PPDPFL: variants seen among roughly 807,000 people sequenced by gnomAD.
PPDPFL encodes pancreatic progenitor cell differentiation and proliferation factor like, also known as pancreatic progenitor cell differentiation and proliferation factor-like protein.
PPDPFL carries 12 observed loss-of-function variants against 12.6 expected under a neutral mutation model. The ratio of observed to expected loss-of-function variants is 0.95; its 90% CI spans 0.61 to 1.54. The LOEUF (loss-of-function observed/expected upper bound fraction) is 1.54, where lower values mean the gene tolerates loss of function less well. PPDPFL is among the 40% of genes most tolerant of loss of function. The pLI is 0.00. For synonymous variants in PPDPFL, 24 were observed against 32.7 expected (o/e 0.73, Z 0.91); for missense variants, 114 against 96.0 (o/e 1.19, Z -0.78).
chr8:49,068,647 TTG>T (rs1375720432), upstream of PPDPFL, among the ~76,000 whole-genome samples: 2 of 152,042 alleles, frequency 1.3e-5, no homozygotes, highest in Non-Finnish European at 2.9e-5. Context: ...ATGTATGTAT[TTG>T]TGTGTGTGTA....
upstream of PPDPFL, among the ~76,000 whole-genome samples, chr8:49,068,453 CCAGCCAACAGAGT>C (rs1808332772): frequency 6.6e-6 from 1 of 152,106 alleles, no homozygotes; most frequent in Non-Finnish European, 1.5e-5. Flanking sequence ...GCTAAGAAAG[CCAGCCAACAGAGT>C]CACAACTGTG....
chr8:49,071,971 C>T (rs1808399129), upstream of PPDPFL, among the ~76,000 whole-genome samples: 1 of 152,184 alleles, frequency 6.6e-6, no homozygotes, highest in Non-Finnish European at 1.5e-5. Context: ...TTCAGTCTCC[C>T]CAGCCAGATA....
At chr8:49,074,420 GTAC>G in intron 4 of PPDPFL, 87 bp downstream of exon 4, 2 of 1,564,790 alleles carry the variant, frequency 1.3e-6, no homozygotes, top group East Asian at 4.6e-5. Flanking sequence ...CTCACTTAGG[GTAC>G]ATAGTTGTCT....
intron 1 of PPDPFL, among the ~76,000 whole-genome samples, chr8:49,055,456 A>G (rs943241109): frequency 1.3e-5 from 2 of 152,150 alleles, no homozygotes; most frequent in Non-Finnish European, 2.9e-5. Flanking sequence ...TTCTAATGTT[A>G]GGTTGATATG....
chr8:49,070,201 A>G (rs1181256041), upstream of PPDPFL, among the ~76,000 whole-genome samples: 1 of 152,198 alleles, frequency 6.6e-6, no homozygotes, highest in Non-Finnish European at 1.5e-5. Context: ...ATGAGAACAC[A>G]TAGACACATC....
At chr8:49,065,190 C>A (rs1040275229) in intron 1 of PPDPFL, among the ~76,000 whole-genome samples, 1 of 152,094 alleles carries the variant, frequency 6.6e-6, no homozygotes, top group African/African-American at 2.4e-5. Flanking sequence ...GAATCCTAAA[C>A]GGAGAACATA....
chr8:49,055,299 T>TG (rs1192438023), intron 1 of PPDPFL, among the ~76,000 whole-genome samples: 11 of 152,128 alleles, frequency 7.2e-5, no homozygotes, highest in African/African-American at 2.7e-4. Context: ...ACATCAAAGG[T>TG]TTCTGCACTG....
At chr8:49,070,642 CAGAG>C (rs1563300637), upstream of PPDPFL, among the ~76,000 whole-genome samples, 1 of 151,930 alleles carries the variant, frequency 6.6e-6, no homozygotes, top group Non-Finnish European at 1.5e-5. Flanking sequence ...ATTATTAAAG[CAGAG>C]AGGGAGAAGA....
intron 1 of PPDPFL, 73 bp from the exon 2 acceptor site, chr8:49,072,714 A>T: frequency 1.5e-6 from 1 of 652,742 alleles, no homozygotes; most frequent in Non-Finnish European, 2.6e-6. Flanking sequence ...ACTTTGTAAC[A>T]GTCACGTGGA....
chr8:49,067,496 T>C (rs1370092828), upstream of PPDPFL, among the ~76,000 whole-genome samples: 1 of 152,244 alleles, frequency 6.6e-6, no homozygotes, highest in Non-Finnish European at 1.5e-5. Flanking sequence ...AGTCAGATAT[T>C]GATCCTCTCA....
intron 1 of PPDPFL, among the ~76,000 whole-genome samples, chr8:49,063,352 T>C (rs1808243557): frequency 6.6e-6 from 1 of 152,196 alleles, no homozygotes; most frequent in African/African-American, 2.4e-5. Flanking sequence ...CTGCCCCATG[T>C]CATAGCCAAG....
At chr8:49,064,262 A>G (rs1317828366) in intron 1 of PPDPFL, among the ~76,000 whole-genome samples, 1 of 152,194 alleles carries the variant, frequency 6.6e-6, no homozygotes, top group African/African-American at 2.4e-5. Context: ...CCAGTGGTAC[A>G]GAAAGTTCAA....
chr8:49,075,601 T>C lies in PPDPFL; in HGVS notation c.*428T>C, dbSNP rs1237964566. 3 of 279,624 alleles carry C rather than the reference T, an allele frequency of 1.1e-5. No homozygotes were observed. The highest frequency in any genetic ancestry group is 2.0e-5 in the Non-Finnish European group (3 of 147,670). 17.3% of individuals were successfully genotyped at this position (279,624 alleles called of 1,614,324 possible). A position where few individuals can be genotyped will look rare whatever the true frequency, so the allele number is the denominator to read the frequency against. ...TATTAAAAAAACTTAAGTTAGACTC[T>C]TTTTCTGTCTGTTGAGTGATTTATT... On this transcript the variant is annotated 3_prime_UTR_variant, in exon 5 of 5. Coordinates refer to ENST00000522267, the MANE Select transcript of PPDPFL (RefSeq NM_001256597.2).
intron 1 of PPDPFL, among the ~76,000 whole-genome samples, chr8:49,057,840 A>G (rs1019376304): frequency 6.6e-6 from 1 of 152,202 alleles, no homozygotes; most frequent in African/African-American, 2.4e-5. Context: ...TGTCTAATGT[A>G]CAATCAGAGA....
chr8:49,070,929 C>T (rs934034234), upstream of PPDPFL, among the ~76,000 whole-genome samples: 9 of 152,138 alleles, frequency 5.9e-5, no homozygotes, highest in East Asian at 3.9e-4. Context: ...ATTTCCAGTA[C>T]GCAGTGGAAC....
At chr8:49,067,185 T>C (rs920778143) in intron 1 of PPDPFL, among the ~76,000 whole-genome samples, 16 of 152,270 alleles carry the variant, frequency 1.1e-4, no homozygotes, top group Admixed American at 2.6e-4. Context: ...TATTTCCTTT[T>C]TCATATATCA....
intron 2 of PPDPFL, 97 bp downstream of exon 2, chr8:49,072,982 T>C: frequency 9.1e-7 from 1 of 1,096,266 alleles, no homozygotes; most frequent in South Asian, 1.4e-5. Flanking sequence ...CCTTCAGAAC[T>C]TAAGGGAGAG....
chr8:49,055,719 T>C (rs1376850013), intron 1 of PPDPFL, among the ~76,000 whole-genome samples: 1 of 152,146 alleles, frequency 6.6e-6, no homozygotes, highest in East Asian at 1.9e-4. Flanking sequence ...ATTTCAGATT[T>C]GACTGTCCAA....
At chr8:49,066,525 T>C (rs1355557517) in intron 1 of PPDPFL, among the ~76,000 whole-genome samples, 1 of 152,110 alleles carries the variant, frequency 6.6e-6, no homozygotes, top group East Asian at 1.9e-4. Flanking sequence ...TATCACGTAA[T>C]ATGGGTTGAA....
Sources: allele counts gnomAD v4.1 joint callset (sites outside exome capture counted in the v4.1 genomes callset), GRCh38; gene constraint gnomAD v4.1.1; transcripts MANE v1.5; gene names NCBI Gene and HGNC (gene_info 2026-07-23, HGNC 2026-07-21).